CD209: variants seen among roughly 807,000 people sequenced by gnomAD.
The protein encoded by CD209 is CD209 antigen.
In CD209, 31 loss-of-function variants were observed where a neutral mutation model predicts 44.7. That is an observed-to-expected ratio of 0.69 (90% CI 0.52 to 0.94). CD209 has a LOEUF of 0.94. Among genes scored for constraint, CD209 ranks in the 40% least tolerant of loss-of-function variants. CD209 has a pLI of 0.00. For missense variants in CD209, 407 were observed against 452.4 expected (o/e 0.90, Z 0.91); for synonymous variants, 173 against 181.3 (o/e 0.95, Z 0.37).
In CD209 at chr19:7,745,009, G is replaced by A. The variant is rs1391930803; in HGVS notation, c.832C>T (p.His278Tyr). 6.2e-7 allele frequency: 1 copy of A among 1,614,244 alleles called. No homozygotes were observed. Among genetic ancestry groups the A allele is most frequent in the South Asian group, 1.1e-5 (1 of 91,090 alleles). Residue 278 changes from histidine to tyrosine, a missense_variant, in exon 5 of 7, where the codon CAC (histidine) becomes TAC (tyrosine). His to Tyr is a moderately conservative substitution (Grantham distance 83). Coordinates refer to ENST00000315599, the MANE Select transcript of CD209 (RefSeq NM_021155.4). ...YFMSNSQRNW[H>Y]DSITACKEVG... ...TCTTTGCAGGCGGTGATGGAGTCGT[G>A]CCAGTTCCGCTGGGAGTTAGACATG... is the stretch of plus-strand genomic sequence containing the variant.
In CD209 at chr19:7,740,847, C is replaced by T. The variant is rs562158673; in HGVS notation, c.*2192G>A. ...GAAGAAACAAAAACCGGAAGCTGTC[C>T]AGAAGATGCTGGATCAGGCTGAAAA... On this transcript the variant is annotated 3_prime_UTR_variant, in exon 7 of 7. Transcript: ENST00000315599. 8.0e-6 allele frequency: 6 copies of T among 752,276 alleles called. No individual in the cohort carries two copies. The highest frequency in any genetic ancestry group is 1.2e-5 in the Non-Finnish European group (5 of 406,090). 46.6% of individuals were successfully genotyped at this position (752,276 alleles called of 1,614,324 possible). A position where few individuals can be genotyped will look rare whatever the true frequency, so the allele number is the denominator to read the frequency against.
Position 7,741,020 on chromosome 19 carries a change from C to T in CD209, c.*2019G>A. On this transcript the variant is annotated 3_prime_UTR_variant, in exon 7 of 7. Transcript: ENST00000315599. ...AGATGTTCACATGATTTCCCAACAT[C>T]CAGTCCTACCCTTCTTATTAAAAGC... The T allele has an allele frequency of 1.4e-6, 1 of 729,388 alleles. No homozygotes were observed. Among genetic ancestry groups the T allele is most frequent in the Non-Finnish European group, 2.4e-6 (1 of 409,888 alleles). 45.2% of individuals were successfully genotyped at this position (729,388 alleles called of 1,614,324 possible). A position where few individuals can be genotyped will look rare whatever the true frequency, so the allele number is the denominator to read the frequency against.
rs2033667113 is a variant in CD209, at chr19:7,743,139, G to A, written c.1115C>T (p.Ala372Val). 6.2e-7 allele frequency: 1 copy of A among 1,614,066 alleles called. No homozygotes were observed. The change falls in exon 7 of 7, where the codon GCC (alanine) becomes GTC (valine). Residue 372 changes from alanine to valine, a missense_variant. By Grantham distance (64) the Ala-to-Val change is moderately conservative. Coordinates refer to ENST00000315599, the MANE Select transcript of CD209 (RefSeq NM_021155.4). ...GGACTTTTTGCAGATCCAGAATTTG[G>A]CAAGATTACATTTGTCGTCGTTCCA... Reference protein sequence around the residue: ...NGWNDDKCNLAKFWICKKSAA... With the variant: ...NGWNDDKCNLVKFWICKKSAA...
chr19:7,742,117 A>G lies in CD209; in HGVS notation c.*922T>C. The G allele has an allele frequency of 1.1e-5, 3 of 263,228 alleles. No homozygotes were observed. Among genetic ancestry groups the G allele is most frequent in the South Asian group, 1.2e-4 (2 of 16,598 alleles). 16.3% of individuals were successfully genotyped at this position (263,228 alleles called of 1,614,324 possible). A position where few individuals can be genotyped will look rare whatever the true frequency, so the allele number is the denominator to read the frequency against. ...GGAGGAGATCAGGTAGTAGAGACAG[A>G]ACTGTTCAGAGTCCCAAATCCCAAT... On this transcript the variant is annotated 3_prime_UTR_variant, in exon 7 of 7. Coordinates refer to ENST00000315599, the MANE Select transcript of CD209 (RefSeq NM_021155.4).
chr19:7,745,097 T>A lies in CD209; in HGVS notation c.749-5A>T. 1.2e-6 allele frequency: 2 copies of A among 1,614,202 alleles called. No homozygotes were observed. Among genetic ancestry groups the A allele is most frequent in the Non-Finnish European group, 1.7e-6 (2 of 1,180,030 alleles). ...GACAGGGGTGGCACAGGCGTTCTGTTGGGGGAGGCTGGTCAGGGCTGGGCT... is the reference window on the plus strand; with the variant it reads ...GACAGGGGTGGCACAGGCGTTCTGTAGGGGGAGGCTGGTCAGGGCTGGGCT... On this transcript the variant is annotated splice_region_variant and splice_polypyrimidine_tract_variant and intron_variant, in intron 4 of 6. Coordinates refer to ENST00000315599, the MANE Select transcript of CD209 (RefSeq NM_021155.4).
rs570203160 is a variant in CD209 at position 7,741,665 on chromosome 19, C to T, written c.*1374G>A. The T allele has an allele frequency of 7.1e-6, 6 of 843,566 alleles. No homozygotes were observed. In the African/African-American group the frequency reaches 8.5e-5, roughly 12 times the overall value. 52.3% of individuals were successfully genotyped at this position (843,566 alleles called of 1,614,324 possible). On this transcript the variant is annotated 3_prime_UTR_variant, in exon 7 of 7. Transcript: ENST00000315599. The stretch of plus-strand genomic sequence containing the variant: ...CGATGGTATGTACGCAGGACGACAG[C>T]TTCAGTGTGAATTCTGCCCAGTGGC...
At position 7,745,565 on chromosome 19, in the gene CD209, T is replaced by G; in HGVS notation, c.701A>C (p.Lys234Thr). Residue 234 changes from lysine to threonine, a missense_variant, in exon 4 of 7, where the codon AAG becomes ACG. Around this residue, in one of 3 missense-constraint regions of CD209, gnomAD observed 85 missense variants for 139.9 expected, o/e 0.61. Transcript: ENST00000315599. ...CAGCTCCTGGTAGATCTCCTGCTGC[T>G]TAGATTTCTCTGGAAGCTCACCCAC... ...AAVGELPEKS[K>T]QQEIYQELTQ... 1 of 1,609,712 alleles carries G rather than the reference T, an allele frequency of 6.2e-7. No homozygotes were observed. Among genetic ancestry groups the G allele is most frequent in the Non-Finnish European group, 8.5e-7 (1 of 1,179,628 alleles).
chr19:7,745,999 A>G lies in CD209; in HGVS notation c.267T>C (p.Gly89=). The change falls in exon 4 of 7, where the codon GGT becomes GGC. Residue 89 remains glycine, a synonymous_variant. Transcript: ENST00000315599. ...QNLTQLKAAV[G]ELSEKSKLQE... ...GCAGCTTGGATTTCTCTGAGAGCTC[A>G]CCCACTGCAGCTTTAAGCTGGGTCA... 10 of 1,614,230 alleles carry G rather than the reference A, an allele frequency of 6.2e-6. No homozygotes were observed. Among genetic ancestry groups the G allele is most frequent in the Non-Finnish European group, 8.5e-6 (10 of 1,180,044 alleles).
At chr19:7,746,227 G>A (rs1255933639) in intron 3 of CD209, 140 bp from the exon 4 acceptor site, 1 of 1,309,290 alleles carries the variant, frequency 7.6e-7, no homozygotes, top group East Asian at 2.4e-5. Flanking sequence ...ACTGACACCT[G>A]GAGAAGGCAG....
chr19:7,740,439 C>T lies in CD209; in HGVS notation c.*2600G>A, dbSNP rs1014997078. On this transcript the variant is annotated 3_prime_UTR_variant, in exon 7 of 7. Transcript: ENST00000315599. The stretch of plus-strand genomic sequence containing the variant: ...ATTATAAAGGATACAACTAGAGGGG[C>T]GGGGCGGTGCCGGCAAGATGGCTGC... The T allele has an allele frequency of 1.6e-5, 11 of 702,506 alleles. No homozygotes were observed. The highest frequency in any genetic ancestry group is 2.6e-5 in the Non-Finnish European group (10 of 381,964). The allele number at this position is 702,506 out of a possible 1,614,324, so 43.5% of individuals were successfully genotyped here. A position where few individuals can be genotyped will look rare whatever the true frequency, so the allele number is the denominator to read the frequency against.
rs549762603 is a variant in CD209, at chr19:7,740,976, A to G, written c.*2063T>C. 4 of 708,632 alleles carry G rather than the reference A, an allele frequency of 5.6e-6. No homozygotes were observed. The highest frequency in any genetic ancestry group is 7.7e-6 in the Non-Finnish European group (3 of 388,938). 43.9% of individuals were successfully genotyped at this position (708,632 alleles called of 1,614,324 possible). ...ATTGTCCCTTCTACAGTAAAACAGG[A>G]GCTTGCAGATTTGGAGATAGATGTT... On this transcript the variant is annotated 3_prime_UTR_variant, in exon 7 of 7. Transcript: ENST00000315599.
chr19:7,740,268 A>ATT lies in CD209; in HGVS notation c.*2769_*2770dup. The stretch of plus-strand genomic sequence containing the variant: ...GTCTGAGCACTTAGGTTCCACGTGG[A>ATT]TTTGCACGCTTCGTTCATCTGGACA... On this transcript the variant is annotated 3_prime_UTR_variant, in exon 7 of 7. Coordinates refer to ENST00000315599, the MANE Select transcript of CD209 (RefSeq NM_021155.4). The ATT allele has an allele frequency of 2.3e-6, 1 of 433,524 alleles. No homozygotes were observed. Among genetic ancestry groups the ATT allele is most frequent in the Non-Finnish European group, 4.2e-6 (1 of 236,456 alleles). 26.9% of individuals were successfully genotyped at this position (433,524 alleles called of 1,614,324 possible).
Position 7,740,252 on chromosome 19 carries a change from C to G in CD209, c.*2787G>C. The G allele has an allele frequency of 2.4e-6, 1 of 412,404 alleles. No individual in the cohort carries two copies. Among genetic ancestry groups the G allele is most frequent in the Non-Finnish European group, 4.4e-6 (1 of 224,924 alleles). 25.5% of individuals were successfully genotyped at this position (412,404 alleles called of 1,614,324 possible). A position where few individuals can be genotyped will look rare whatever the true frequency, so the allele number is the denominator to read the frequency against. On this transcript the variant is annotated 3_prime_UTR_variant, in exon 7 of 7. Transcript: ENST00000315599. The stretch of plus-strand genomic sequence containing the variant: ...CAGTCCCTGTTCCTCGGTCTGAGCA[C>G]TTAGGTTCCACGTGGATTTGCACGC...
Position 7,745,677 on chromosome 19 carries a change from T to A in CD209, c.589A>T (p.Thr197Ser). The A allele has an allele frequency of 1.0e-6, 1 of 984,426 alleles. No individual in the cohort carries two copies. Among genetic ancestry groups the A allele is most frequent in the South Asian group, 1.4e-5 (1 of 70,038 alleles). The allele number at this position is 984,426 out of a possible 1,614,324, so 61.0% of individuals were successfully genotyped here. The change falls in exon 4 of 7, where the codon ACC becomes TCC. Residue 197 changes from threonine (T) to serine (S), a missense_variant. By Grantham distance (58) the Thr-to-Ser change is moderately conservative (BLOSUM62 1). Coordinates refer to ENST00000315599, the MANE Select transcript of CD209 (RefSeq NM_021155.4). ...TCACCCACTGCAGCCTTCAGCCGGG[T>A]CAGCTCCTGGTAGATCTCCTGCTGC... The part of the protein sequence containing the change: ...SKQQEIYQEL[T>S]RLKAAVGELP...
At chr19:7,744,020 G>A (rs2033711803) in intron 6 of CD209, 87 bp downstream of exon 6, 1 of 1,104,596 alleles carries the variant, frequency 9.1e-7, no homozygotes, top group African/African-American at 1.5e-5. Flanking sequence ...AGGGTGTCAG[G>A]GAGTTGGGGA....
chr19:7,740,620 A>G lies in CD209; in HGVS notation c.*2419T>C, dbSNP rs1447447150. The G allele has an allele frequency of 3.8e-5, 30 of 796,648 alleles. No individual in the cohort carries two copies. The East Asian group carries it at 7.3e-4, about 19-fold the overall frequency. The allele number at this position is 796,648 out of a possible 1,614,324, so 49.3% of individuals were successfully genotyped here. A position where few individuals can be genotyped will look rare whatever the true frequency, so the allele number is the denominator to read the frequency against. ...GAGGACACTTTTATTGAAAAACAAC[A>G]ACTAGAAAAGCTATGGGGAAGAGAG... On this transcript the variant is annotated 3_prime_UTR_variant, in exon 7 of 7. Coordinates refer to ENST00000315599, the MANE Select transcript of CD209 (RefSeq NM_021155.4).
rs1568505879 is a variant in CD209 at position 7,741,008 on chromosome 19, A to G, written c.*2031T>C. On this transcript the variant is annotated 3_prime_UTR_variant, in exon 7 of 7. Transcript: ENST00000315599. ...AGATTTGGAGATAGATGTTCACATG[A>G]TTTCCCAACATCCAGTCCTACCCTT... The G allele has an allele frequency of 1.4e-6, 1 of 721,760 alleles. No homozygotes were observed. Among genetic ancestry groups the G allele is most frequent in the East Asian group, 2.6e-5 (1 of 38,036 alleles). 44.7% of individuals were successfully genotyped at this position (721,760 alleles called of 1,614,324 possible). A position where few individuals can be genotyped will look rare whatever the true frequency, so the allele number is the denominator to read the frequency against.
At chr19:7,745,471 C>G (rs367624084) in intron 4 of CD209, 47 bp downstream of exon 4, 8 of 1,611,846 alleles carry the variant, frequency 5.0e-6, no homozygotes, top group Non-Finnish European at 6.8e-6. Flanking sequence ...ACTCACACCA[C>G]ACAACGACCA....
At chr19:7,745,397 T>C in intron 4 of CD209, 121 bp downstream of exon 4, 4 of 1,563,856 alleles carry the variant, frequency 2.6e-6, no homozygotes, top group Non-Finnish European at 3.5e-6. Context: ...ATGATCACAG[T>C]TACCCTGTGT....
Sources: gnomAD v4.1 joint callset for allele counts on GRCh38, gnomAD v4.1.1 for gene constraint, gnomAD v4.1.1 regional missense constraint, MANE v1.5 for transcripts, NCBI Gene and HGNC (gene_info 2026-07-23, HGNC 2026-07-21) for gene names.